MANBA: variants seen among roughly 807,000 people sequenced by gnomAD.
MANBA encodes beta-mannosidase.
MANBA carries 83 observed loss-of-function variants against 111.1 expected under a neutral mutation model. That is an observed-to-expected ratio of 0.75 (90% CI 0.63 to 0.90). The LOEUF (loss-of-function observed/expected upper bound fraction) is 0.90. Among genes scored for constraint, MANBA ranks in the 40% least tolerant of loss-of-function variants. MANBA has a pLI of 0.00. For synonymous variants in MANBA, 370 were observed against 378.7 expected (o/e 0.98, Z 0.27); for missense variants, 1,036 against 1,069.0 (o/e 0.97, Z 0.43).
chr4:102,651,281 A>G (rs1224586502), intron 12 of MANBA, among the ~76,000 whole-genome samples: 1 of 151,960 alleles, frequency 6.6e-6, no homozygotes, highest in Non-Finnish European at 1.5e-5. Context: ...AAACCAAATA[A>G]TGTTACTTCT....
In MANBA at chr4:102,722,956, C is replaced by T; in HGVS notation, c.464G>A (p.Ser155Asn). The T allele has an allele frequency of 6.2e-7, 1 of 1,614,096 alleles. No homozygotes were observed. Among genetic ancestry groups the T allele is most frequent in the Non-Finnish European group, 8.5e-7 (1 of 1,179,950 alleles). The change falls in exon 4 of 17, where the codon AGC (serine) becomes AAC (asparagine). Residue 155 changes from serine to asparagine, a missense_variant. Physicochemically the swap from Ser to Asn is conservative, Grantham distance 46. Coordinates refer to ENST00000647097, the MANE Select transcript of MANBA (RefSeq NM_005908.4). ...AACCTGGTAGCGAGTGTGAGCTTTGCTCTGCTGTGCTGCATACAACACCGC... is the reference window on the plus strand; with the variant it reads ...AACCTGGTAGCGAGTGTGAGCTTTGTTCTGCTGTGCTGCATACAACACCGC... ...QSAVLYAAQQSKAHTRYQVPP... is the reference protein window; with the variant it reads ...QSAVLYAAQQNKAHTRYQVPP...
At chr4:102,704,258 G>A (rs28669026) in intron 5 of MANBA, among the ~76,000 whole-genome samples, 4,223 of 152,158 alleles carry the variant, frequency 0.028, 134 homozygotes, top group African/African-American at 0.078. Context: ...CTAGGCAGCA[G>A]GCAAGGTGAA....
chr4:102,694,395 G>A (rs1732616592), intron 5 of MANBA, among the ~76,000 whole-genome samples: 1 of 152,148 alleles, frequency 6.6e-6, no homozygotes, highest in African/African-American at 2.4e-5. Context: ...TAAATAACCA[G>A]TAGTTTTCCT....
chr4:102,684,176 T>C, intron 7 of MANBA, among the ~76,000 whole-genome samples: 1 of 151,282 alleles, frequency 6.6e-6, no homozygotes, highest in East Asian at 1.9e-4. Context: ...AACAAAGATA[T>C]AAAACTGAAG....
chr4:102,698,948 A>C (rs960528612), intron 5 of MANBA, among the ~76,000 whole-genome samples: 4 of 152,196 alleles, frequency 2.6e-5, no homozygotes, highest in African/African-American at 9.7e-5. Context: ...TACCTTGGGC[A>C]GTATGGCCAT....
At chr4:102,718,318 T>G (rs1722423160) in intron 4 of MANBA, among the ~76,000 whole-genome samples, 1 of 152,220 alleles carries the variant, frequency 6.6e-6, no homozygotes, top group Non-Finnish European at 1.5e-5. Context: ...CATCTGAATG[T>G]AAGGTCTGGA....
At chr4:102,633,111 T>C (rs1250491914) in intron 16 of MANBA, 1 of 396,458 alleles carries the variant, frequency 2.5e-6, no homozygotes, top group Non-Finnish European at 4.4e-6. Context: ...GTGTAATATG[T>C]TATCATTCAG....
At chr4:102,679,979 A>G (rs1255095380) in intron 7 of MANBA, among the ~76,000 whole-genome samples, 1 of 152,180 alleles carries the variant, frequency 6.6e-6, no homozygotes, top group Non-Finnish European at 1.5e-5. Context: ...AATCAGAGAA[A>G]ATGGCTAAAT....
chr4:102,734,724 G>A (rs1407982657), intron 1 of MANBA: 1 of 714,218 alleles, frequency 1.4e-6, no homozygotes, highest in Non-Finnish European at 2.3e-6. Context: ...GGTCTGAGGA[G>A]GCTGTGACAC....
chr4:102,664,725 A>C lies in MANBA; in HGVS notation c.1445T>G (p.Val482Gly). 6.2e-7 allele frequency: 1 copy of C among 1,613,456 alleles called. No individual in the cohort carries two copies. Among genetic ancestry groups the C allele is most frequent in the East Asian group, 2.2e-5 (1 of 44,892 alleles). Residue 482 changes from valine to glycine, a missense_variant, in exon 11 of 17, where the codon GTG becomes GGG. Transcript: ENST00000647097. ...TDRPIYIKDY[V>G]TLYVKNIREL... Reference sequence around the variant, plus strand: ...TCTGATGTTTTTCACATAGAGTGTCACATAGTCCTTGATGTAGATTGGCCG... The same window carrying C: ...TCTGATGTTTTTCACATAGAGTGTCCCATAGTCCTTGATGTAGATTGGCCG...
intron 11 of MANBA, among the ~76,000 whole-genome samples, chr4:102,658,537 G>T (rs1449080783): frequency 6.6e-6 from 1 of 152,182 alleles, no homozygotes; most frequent in Non-Finnish European, 1.5e-5. Flanking sequence ...TCTGTAAGAT[G>T]AGGATAATAA....
chr4:102,728,626 C>T (rs1722902538), intron 1 of MANBA: 1 of 501,414 alleles, frequency 2.0e-6, no homozygotes, highest in Non-Finnish European at 3.6e-6. Flanking sequence ...TAGTAAACTA[C>T]CCTGTGGGTG....
chr4:102,674,888 A>G (rs960078828), intron 7 of MANBA, among the ~76,000 whole-genome samples: 5 of 152,372 alleles, frequency 3.3e-5, no homozygotes, highest in African/African-American at 1.2e-4. Flanking sequence ...TCTCTAACTT[A>G]AAAAATCAGT....
intron 7 of MANBA, among the ~76,000 whole-genome samples, chr4:102,677,140 T>C (rs1235538392): frequency 6.6e-6 from 1 of 150,936 alleles, no homozygotes; most frequent in East Asian, 1.9e-4. Context: ...GACACTCCAT[T>C]TTTACTTGAT....
At chr4:102,726,067 T>C (rs1423578897) in intron 2 of MANBA, among the ~76,000 whole-genome samples, 5 of 151,982 alleles carry the variant, frequency 3.3e-5, no homozygotes, top group African/African-American at 1.2e-4. Flanking sequence ...ATTCTGGCCT[T>C]TTCCCCCCTT....
chr4:102,734,282 G>A, intron 1 of MANBA: 1 of 1,410,046 alleles, frequency 7.1e-7, no homozygotes, highest in Middle Eastern at 2.6e-4. Flanking sequence ...TTCCGGGGGA[G>A]AAGGGCAGCA....
At chr4:102,737,717 C>G (rs947836155) in intron 1 of MANBA, among the ~76,000 whole-genome samples, 15 of 152,112 alleles carry the variant, frequency 9.9e-5, no homozygotes, top group African/African-American at 3.6e-4. Context: ...CTCCTGACCT[C>G]GTGATCCGCC....
rs979206251 is a variant in MANBA, at chr4:102,699,341, C to T, written c.674-8570G>A. ...GACTTCCTCTTTTCCTAATTGAATA[C>T]CCTTTATTTCCTTCTCCTGCCTAAT... On this transcript the variant is annotated intron_variant, in intron 5 of 16. Coordinates refer to ENST00000647097, the MANE Select transcript of MANBA (RefSeq NM_005908.4). 3.7e-4 allele frequency among the ~76,000 whole-genome samples: 56 copies of T among 151,454 alleles called. 1 individual carries two copies. Among genetic ancestry groups the T allele is most frequent in the African/African-American group, 1.3e-3 (53 of 41,086 alleles).
intron 7 of MANBA, among the ~76,000 whole-genome samples, chr4:102,675,914 C>T (rs1016956685): frequency 1.3e-5 from 2 of 151,458 alleles, no homozygotes; most frequent in South Asian, 2.1e-4. Context: ...GAGTTTGCAG[C>T]GAGCCAAGAT....
Sources: allele counts gnomAD v4.1 joint callset (sites outside exome capture counted in the v4.1 genomes callset), GRCh38; gene constraint gnomAD v4.1.1; transcripts MANE v1.5; gene names NCBI Gene and HGNC (gene_info 2026-07-23, HGNC 2026-07-21).